Variants in SLC39A8 observed in about 807,000 individuals in gnomAD.
The protein encoded by SLC39A8 is solute carrier family 39 member 8, also known as metal cation symporter ZIP8.
SLC39A8 carries 15 observed loss-of-function variants against 40.4 expected under a neutral mutation model. The ratio of observed to expected loss-of-function variants is 0.37; its 90% CI spans 0.25 to 0.57. SLC39A8 has a LOEUF of 0.57. Ranked by LOEUF, SLC39A8 falls within the 20% of genes least tolerant of loss-of-function variation. The pLI is 0.75. For synonymous variants in SLC39A8, 223 were observed against 221.6 expected (o/e 1.01, Z -0.06); for missense variants, 472 against 558.8 (o/e 0.84, Z 1.57).
intron 7 of SLC39A8, 39 bp downstream of exon 7, chr4:102,267,833 A>C: frequency 6.2e-7 from 1 of 1,601,234 alleles, no homozygotes; most frequent in Non-Finnish European, 8.5e-7. Context: ...TGAAATCAAG[A>C]AGTAAGCAGA....
intron 2 of SLC39A8, among the ~76,000 whole-genome samples, chr4:102,332,362 G>C (rs1443821781): frequency 6.6e-6 from 1 of 151,844 alleles, no homozygotes; most frequent in Non-Finnish European, 1.5e-5. Flanking sequence ...CAAAGGATAA[G>C]AACACTTTTC....
At chr4:102,274,583 A>C (rs923599041) in intron 6 of SLC39A8, among the ~76,000 whole-genome samples, 2 of 152,204 alleles carry the variant, frequency 1.3e-5, no homozygotes, top group South Asian at 4.1e-4. Flanking sequence ...CAAAATTCAA[A>C]TTCAGGAAAT....
chr4:102,307,386 A>G, intron 4 of SLC39A8, 50 bp downstream of exon 4: 1 of 1,593,922 alleles, frequency 6.3e-7, no homozygotes, highest in Non-Finnish European at 8.5e-7. Flanking sequence ...AAGTGCTAAA[A>G]CGTTCAAAAG....
At chr4:102,273,020 G>T (rs1039344694) in intron 6 of SLC39A8, among the ~76,000 whole-genome samples, 3 of 152,216 alleles carry the variant, frequency 2.0e-5, no homozygotes, top group African/African-American at 7.2e-5. Flanking sequence ...CTGGGTGGTT[G>T]TTTGGGCAGA....
chr4:102,257,582 C>T (rs1333695105), downstream of SLC39A8, among the ~76,000 whole-genome samples: 5 of 152,140 alleles, frequency 3.3e-5, no homozygotes, highest in African/African-American at 4.8e-5. Context: ...TCGAAGTTCT[C>T]CATTTGGCTA....
Position 102,267,655 on chromosome 4 carries a change from G to A in SLC39A8, c.1068C>T (p.Leu356=). The change falls in exon 8 of 9, where the codon CTC becomes CTT. Residue 356 remains leucine, a synonymous_variant. Coordinates refer to ENST00000356736, the MANE Select transcript of SLC39A8 (RefSeq NM_001135146.2). ...PHELGDFVIL[L]NAGMSTRQAL... ...CTTGTCGAGTGCTCATCCCTGCATT[G>A]AGTAGGATCACAAAGTCTCCTAGAA... 1 of 1,592,006 alleles carries A rather than the reference G, an allele frequency of 6.3e-7. No homozygotes were observed. Among genetic ancestry groups the A allele is most frequent in the Non-Finnish European group, 8.5e-7 (1 of 1,173,186 alleles).
chr4:102,342,800 G>T (rs1209683604), intron 2 of SLC39A8, among the ~76,000 whole-genome samples: 1 of 152,146 alleles, frequency 6.6e-6, no homozygotes, highest in Admixed American at 6.5e-5. Context: ...CTTTGCAAAG[G>T]TGATGTGGGG....
chr4:102,266,728 CT>C (rs1560526169), intron 8 of SLC39A8, among the ~76,000 whole-genome samples: 5 of 152,122 alleles, frequency 3.3e-5, no homozygotes, highest in Non-Finnish European at 7.4e-5. Context: ...CTGCCTCAGA[CT>C]CCCGAGTAGC....
intron 2 of SLC39A8, among the ~76,000 whole-genome samples, chr4:102,328,364 G>A (rs1272638988): frequency 2.0e-5 from 3 of 149,232 alleles, no homozygotes; most frequent in African/African-American, 7.4e-5. Flanking sequence ...ATTCATTGTC[G>A]GCAACAAAAA....
chr4:102,268,032 T>C lies in SLC39A8; in HGVS notation c.888A>G (p.Lys296=). ...AGGCAATCGTCCCTATTTCTGACAG[T>C]TTGGGCCCCTTCAAACAGGTACATG... ...PSSCTCLKGP[K]LSEIGTIAWM... is the part of the protein sequence containing the mutation. The change falls in exon 7 of 9, where the codon AAA becomes AAG. Residue 296 remains lysine, a synonymous_variant. Coordinates refer to ENST00000356736, the MANE Select transcript of SLC39A8 (RefSeq NM_001135146.2). 6.2e-7 allele frequency: 1 copy of C among 1,614,194 alleles called. No homozygotes were observed. Among genetic ancestry groups the C allele is most frequent in the Non-Finnish European group, 8.5e-7 (1 of 1,180,020 alleles).
chr4:102,251,056 T>G (rs1037671074), downstream of SLC39A8: 1 of 152,224 alleles, frequency 6.6e-6, no homozygotes, highest in East Asian at 1.9e-4. Flanking sequence ...TTGTTTAAAT[T>G]TATTTGTTTA....
chr4:102,264,998 A>G (rs1315273906), intron 8 of SLC39A8, among the ~76,000 whole-genome samples: 1 of 152,236 alleles, frequency 6.6e-6, no homozygotes, highest in Non-Finnish European at 1.5e-5. Context: ...CATGTCAGCA[A>G]TAAGGCTGTT....
chr4:102,281,719 T>C (rs1002010350), intron 6 of SLC39A8, among the ~76,000 whole-genome samples: 2 of 152,114 alleles, frequency 1.3e-5, no homozygotes, highest in Admixed American at 6.6e-5. Context: ...CCCTGGTTTA[T>C]ATTTCAATAG....
At position 102,307,443 on chromosome 4, in the gene SLC39A8, A is replaced by G. The variant is rs781327789; in HGVS notation, c.545T>C (p.Ile182Thr). The stretch of plus-strand genomic sequence containing the variant: ...AATAGCCAACATCCTTACCTCTGGA[A>G]TAAGTTGGAAAATTGCATTTGAAAA... ...TLFSNAIFQL[I>T]PEAFGFDPKV... The change falls in exon 4 of 9, where the codon ATT becomes ACT. Residue 182 changes from isoleucine (I) to threonine (T), a missense_variant. By Grantham distance (89) the Ile-to-Thr change is moderately conservative (BLOSUM62 -1). Transcript: ENST00000356736. The G allele has an allele frequency of 6.2e-7, 1 of 1,613,190 alleles. No individual in the cohort carries two copies. Among genetic ancestry groups the G allele is most frequent in the Admixed American group, 1.7e-5 (1 of 59,922 alleles).
intron 6 of SLC39A8, among the ~76,000 whole-genome samples, chr4:102,275,541 T>A (rs567039937): frequency 1.4e-3 from 216 of 152,186 alleles, no homozygotes; most frequent in Non-Finnish European, 2.2e-3. Context: ...AGTGGGAGAA[T>A]TTACCACCCC....
chr4:102,288,878 AG>A (rs1471342172), intron 6 of SLC39A8, among the ~76,000 whole-genome samples: 2 of 152,178 alleles, frequency 1.3e-5, no homozygotes, highest in Admixed American at 1.3e-4. Context: ...TCTATGACAT[AG>A]AAGTGCCAAG....
chr4:102,295,911 T>A (rs1466822496), intron 6 of SLC39A8, among the ~76,000 whole-genome samples: 1 of 152,122 alleles, frequency 6.6e-6, no homozygotes, highest in East Asian at 1.9e-4. Flanking sequence ...AGCAAGTAGT[T>A]CTTAATGTAG....
In SLC39A8 at chr4:102,344,754, G is replaced by C. The variant is rs559446487; in HGVS notation, c.-92C>G. On this transcript the variant is annotated 5_prime_UTR_variant, in exon 2 of 9. Coordinates refer to ENST00000356736, the MANE Select transcript of SLC39A8 (RefSeq NM_001135146.2). ...CTGGCGTCCTTGCCCAAGGGCGGGA[G>C]CGTCAGTGCTCGGCGCTGCTCCGAG... 1 of 1,357,734 alleles carries C rather than the reference G, an allele frequency of 7.4e-7. No individual in the cohort carries two copies. Among genetic ancestry groups the C allele is most frequent in the South Asian group, 1.8e-5 (1 of 56,564 alleles). The allele number at this position is 1,357,734 out of a possible 1,614,324, so 84.1% of individuals were successfully genotyped here.
chr4:102,263,247 A>G (rs1731948789), intron 8 of SLC39A8, 54 bp from the exon 9 acceptor site: 1 of 1,521,548 alleles, frequency 6.6e-7, no homozygotes, highest in Non-Finnish European at 9.1e-7. Flanking sequence ...GCAAACCACA[A>G]AACAGTCACT....
Sources: allele counts gnomAD v4.1 joint callset (sites outside exome capture counted in the v4.1 genomes callset), GRCh38; gene constraint gnomAD v4.1.1; transcripts MANE v1.5; gene names NCBI Gene and HGNC (gene_info 2026-07-23, HGNC 2026-07-21).